CNOT6: variants seen among roughly 807,000 people sequenced by gnomAD.
CNOT6 encodes the protein CCR4-NOT transcription complex subunit 6, also known as carbon catabolite repression 4 protein.
CNOT6 carries 12 observed loss-of-function variants against 61.2 expected under a neutral mutation model. The observed-to-expected ratio is 0.20, with a 90% confidence interval of 0.13 to 0.32. CNOT6 has a LOEUF of 0.32. Among genes scored for constraint, CNOT6 ranks in the 10% least tolerant of loss-of-function variants. The probability of loss-of-function intolerance (pLI) is 1.00; values close to 1 mark genes in which losing one functional copy is unlikely to be tolerated. For missense variants in CNOT6, 405 were observed against 663.9 expected (o/e 0.61, Z 4.28); for synonymous variants, 225 against 240.6 (o/e 0.94, Z 0.60).
At chr5:180,503,262 CTTTT>C (rs66503357) in intron 1 of CNOT6, among the ~76,000 whole-genome samples, 62 of 133,798 alleles carry the variant, frequency 4.6e-4, no homozygotes, top group African/African-American at 1.6e-3. Context: ...TTGTATTTTT[CTTTT>C]TTTTTTTTTT....
chr5:180,505,281 A>G (rs11744319), intron 1 of CNOT6, among the ~76,000 whole-genome samples: 17,102 of 64,754 alleles, frequency 0.26, 3,651 homozygotes, highest in Middle Eastern at 0.52. Context: ...TTTGAGACGG[A>G]GTCTGGCTCT....
chr5:180,527,991 T>C (rs984400825), intron 1 of CNOT6, among the ~76,000 whole-genome samples: 1 of 152,096 alleles, frequency 6.6e-6, no homozygotes, highest in Non-Finnish European at 1.5e-5. Flanking sequence ...TACGGTTTCA[T>C]CCCGAAACCA....
intron 1 of CNOT6, 110 bp downstream of exon 1, chr5:180,494,873 G>T (rs1277664166): frequency 1.3e-5 from 2 of 152,050 alleles, no homozygotes; most frequent in African/African-American, 4.8e-5. Context: ...CGTTTCGTGG[G>T]CGGCGGTCCC....
rs1425593692 is a variant in CNOT6 at position 180,549,968 on chromosome 5, A to G, written c.150A>G (p.Leu50=). 17 of 1,613,768 alleles carry G rather than the reference A, an allele frequency of 1.1e-5. No individual in the cohort carries two copies. The highest frequency in any genetic ancestry group is 1.4e-5 in the Non-Finnish European group (16 of 1,179,826). ...GCTTAAGCGCATCTTTGTGGTCACT[A>G]ACTCACCTGACAGCTTTGCATTTGA... ...VRSLSASLWS[L]THLTALHLSD... is the part of the protein sequence containing the mutation. Residue 50 remains leucine, a synonymous_variant, in exon 3 of 12, where the codon CTA becomes CTG. Coordinates refer to ENST00000261951, the MANE Select transcript of CNOT6 (RefSeq NM_001370472.1).
Position 180,562,245 on chromosome 5 carries a change from A to G in CNOT6, c.386-2244A>G, listed in dbSNP as rs922654985. 3.3e-5 allele frequency among the ~76,000 whole-genome samples: 5 copies of G among 152,292 alleles called. No homozygotes were observed. In the South Asian group the frequency reaches 8.3e-4, roughly 25 times the overall value. Reference sequence around the variant, plus strand: ...TTTGTGTTTGCTTTACACATAATATACAGTGCTTTTAGTTGTACCTAGTGG... The same window carrying G: ...TTTGTGTTTGCTTTACACATAATATGCAGTGCTTTTAGTTGTACCTAGTGG... On this transcript the variant is annotated intron_variant, in intron 4 of 11. Coordinates refer to ENST00000261951, the MANE Select transcript of CNOT6 (RefSeq NM_001370472.1).
rs1561672239 is a variant in CNOT6 at position 180,577,162 on chromosome 5, A to AGTGTGT, written c.*2962_*2963insGTGTGT. 2.8e-5 allele frequency: 1 copy of AGTGTGT among 35,108 alleles called. No individual in the cohort carries two copies. Among genetic ancestry groups the AGTGTGT allele is most frequent in the Non-Finnish European group, 7.2e-5 (1 of 13,838 alleles). 2.2% of individuals were successfully genotyped at this position (35,108 alleles called of 1,614,324 possible). A position where few individuals can be genotyped will look rare whatever the true frequency, so the allele number is the denominator to read the frequency against. On this transcript the variant is annotated 3_prime_UTR_variant, in exon 12 of 12. Transcript: ENST00000261951. Reference sequence around the variant, plus strand: ...AAGATAGGCAGAGAACATCTCCAGAAATGTGTGTGTGTGTGTGTGTGTGTG... The same window carrying AGTGTGT: ...AAGATAGGCAGAGAACATCTCCAGAAGTGTGTATGTGTGTGTGTGTGTGTGTGTGTG...
intron 3 of CNOT6, among the ~76,000 whole-genome samples, chr5:180,550,391 A>G (rs1173054356): frequency 2.6e-5 from 4 of 151,822 alleles, no homozygotes; most frequent in Admixed American, 2.0e-4. Flanking sequence ...GTGGAGTGGC[A>G]GTGAGCCGAG....
chr5:180,540,239 T>A (rs1285082513), intron 2 of CNOT6, among the ~76,000 whole-genome samples: 1 of 152,210 alleles, frequency 6.6e-6, no homozygotes, highest in Non-Finnish European at 1.5e-5. Flanking sequence ...TATATCCCCC[T>A]TGGTTGTAGT....
chr5:180,505,059 C>T (rs1338650826), intron 1 of CNOT6, among the ~76,000 whole-genome samples: 6 of 147,216 alleles, frequency 4.1e-5, no homozygotes, highest in South Asian at 2.1e-4. Context: ...CCCAGGTTCA[C>T]GCCATTCTCC....
Position 180,565,824 on chromosome 5 carries a change from G to C in CNOT6, c.564G>C (p.Leu188Phe). The C allele has an allele frequency of 6.3e-7, 1 of 1,581,308 alleles. No homozygotes were observed. The highest frequency in any genetic ancestry group is 2.3e-5 in the East Asian group (1 of 44,136). ...GTAAAGTTATCTTTCCTACAGCCTT[G>C]TTTTCTGTCATGTGCTATAATGTTC... ...QEPDRTRPTA[L>F]FSVMCYNVLC... is the part of the protein sequence containing the mutation. Residue 188 changes from leucine to phenylalanine, a missense_variant, in exon 7 of 12, where the codon TTG becomes TTC. Physicochemically the swap from Leu to Phe is conservative, Grantham distance 22. Transcript: ENST00000261951.
chr5:180,518,086 GATT>G (rs1757728151), intron 1 of CNOT6, among the ~76,000 whole-genome samples: 1 of 152,124 alleles, frequency 6.6e-6, no homozygotes, highest in Non-Finnish European at 1.5e-5. Context: ...GCACAGAAAG[GATT>G]ATGTTATCTC....
intron 2 of CNOT6, among the ~76,000 whole-genome samples, chr5:180,539,190 A>G (rs1167029137): frequency 6.6e-6 from 1 of 150,918 alleles, no homozygotes; most frequent in Non-Finnish European, 1.5e-5. Context: ...AAAAAAAAAA[A>G]AGTCAGCCAA....
In CNOT6 at chr5:180,507,399, A is replaced by G. The variant is rs143077288; in HGVS notation, c.-3+12636A>G. On this transcript the variant is annotated intron_variant, in intron 1 of 11. Transcript: ENST00000261951. The stretch of plus-strand genomic sequence containing the variant: ...CAGATCACCTAAGGTCAGGAGTTCG[A>G]GACTAGCCTGGCCAACCTGGTGAAA... 3.6e-3 allele frequency among the ~76,000 whole-genome samples: 549 copies of G among 152,324 alleles called. 4 individuals are homozygous for G. Among genetic ancestry groups the G allele is most frequent in the African/African-American group, 0.012 (519 of 41,564 alleles).
At chr5:180,513,853 G>A (rs1420944366) in intron 1 of CNOT6, among the ~76,000 whole-genome samples, 2 of 151,728 alleles carry the variant, frequency 1.3e-5, no homozygotes, top group Non-Finnish European at 2.9e-5. Flanking sequence ...ACAGGCGCCC[G>A]CCACCACGCC....
intron 1 of CNOT6, among the ~76,000 whole-genome samples, chr5:180,509,828 G>GTTT (rs10707986): frequency 2.5e-5 from 3 of 120,832 alleles, no homozygotes; most frequent in Admixed American, 8.6e-5. Context: ...ATACCTTGGT[G>GTTT]TTTTTTTTTT....
chr5:180,552,178 T>G (rs1561656304), intron 3 of CNOT6, among the ~76,000 whole-genome samples: 1 of 151,450 alleles, frequency 6.6e-6, no homozygotes, highest in Non-Finnish European at 1.5e-5. Context: ...CCGAGGGACC[T>G]CCTTTTTTCT....
At chr5:180,560,483 T>C (rs939314915) in intron 4 of CNOT6, among the ~76,000 whole-genome samples, 1 of 152,186 alleles carries the variant, frequency 6.6e-6, no homozygotes. Flanking sequence ...AAGGATGTTT[T>C]CACTGGATAT....
intron 2 of CNOT6, among the ~76,000 whole-genome samples, chr5:180,544,939 G>C (rs1309049455): frequency 1.3e-5 from 2 of 152,016 alleles, no homozygotes; most frequent in African/African-American, 4.8e-5. Context: ...CTCCAGCCTG[G>C]GTGACAGAAT....
intron 1 of CNOT6, among the ~76,000 whole-genome samples, chr5:180,499,684 G>A (rs572172883): frequency 7.2e-5 from 11 of 152,284 alleles, no homozygotes; most frequent in African/African-American, 2.2e-4. Flanking sequence ...TGGTAAAAAT[G>A]ATAGAACAGT....
Sources: gnomAD v4.1 joint callset for allele counts (sites outside exome capture counted in the v4.1 genomes callset) on GRCh38, gnomAD v4.1.1 for gene constraint, MANE v1.5 for transcripts, NCBI Gene and HGNC (gene_info 2026-07-23, HGNC 2026-07-21) for gene names.